The following CNTNAP3 variants were observed in gnomAD, a reference collection of about 807,000 sequenced individuals.
CNTNAP3 encodes contactin associated protein family member 3, also known as contactin-associated protein-like 3.
In CNTNAP3, 36 loss-of-function variants were observed where a neutral mutation model predicts 92.1. The observed-to-expected ratio is 0.39, with a 90% CI of 0.30 to 0.52. CNTNAP3 has a LOEUF of 0.52. Ranked by LOEUF, CNTNAP3 falls within the 20% of genes least tolerant of loss-of-function variation. The pLI is 0.76. For synonymous variants in CNTNAP3, 232 were observed against 422.3 expected (o/e 0.55, Z 5.53); for missense variants, 534 against 1,069.6 (o/e 0.50, Z 6.98).
Position 39,103,935 on chromosome 9 carries a change from G to A in CNTNAP3, c.2366-21C>T, listed in dbSNP as rs765733436. The A allele has an allele frequency of 3.9e-5, 61 of 1,549,690 alleles. 1 individual carries two copies. Among genetic ancestry groups the A allele is most frequent in the African/African-American group, 1.5e-4 (11 of 71,772 alleles). Reference sequence around the variant, plus strand: ...TGACTCTGTTTACAATAGAGAAAACGACAAAAGGAAAAAAAGTCATGAAAC... The same window carrying A: ...TGACTCTGTTTACAATAGAGAAAACAACAAAAGGAAAAAAAGTCATGAAAC... On this transcript the variant is annotated intron_variant, in intron 15 of 23. Transcript: ENST00000297668.
chr9:39,122,046 C>CTAA (rs1161447118), intron 13 of CNTNAP3, among the ~76,000 whole-genome samples: 7 of 152,244 alleles, frequency 4.6e-5, no homozygotes, highest in African/African-American at 1.7e-4. Flanking sequence ...AAAGACTGAC[C>CTAA]TAATCCTAAG....
intron 12 of CNTNAP3, among the ~76,000 whole-genome samples, chr9:39,134,091 G>A (rs1286763560): frequency 6.6e-6 from 1 of 152,130 alleles, no homozygotes; most frequent in East Asian, 1.9e-4. Context: ...TGGCTTGGCT[G>A]CTAACTGTGC....
chr9:39,148,459 A>G (rs2118131420), intron 10 of CNTNAP3, among the ~76,000 whole-genome samples: 1 of 152,280 alleles, frequency 6.6e-6, no homozygotes, highest in South Asian at 2.1e-4. Context: ...TTTAAAACAG[A>G]ATTGACTAAC....
chr9:39,086,619 G>A (rs1826066946), intron 20 of CNTNAP3, 97 bp downstream of exon 20: 1 of 1,379,962 alleles, frequency 7.2e-7, no homozygotes, highest in African/African-American at 1.5e-5. Context: ...CACTGAATGG[G>A]TTGCTCTTCT....
chr9:39,093,665 C>T lies in CNTNAP3; in HGVS notation c.2996-5018G>A, dbSNP rs374568082. Among the ~76,000 whole-genome samples, 56 of 151,574 alleles carry T rather than the reference C, an allele frequency of 3.7e-4. 1 individual carries two copies. The East Asian group carries it at 9.3e-3, about 25-fold the overall frequency. ...CTTATTTCACTTAGCATAATGTCTT[C>T]TATGTCAATTAATGTTGTATCATGT... On this transcript the variant is annotated intron_variant, in intron 18 of 23. Coordinates refer to ENST00000297668, the MANE Select transcript of CNTNAP3 (RefSeq NM_033655.5).
intron 13 of CNTNAP3, among the ~76,000 whole-genome samples, chr9:39,132,297 G>A (rs1225427802): frequency 2.6e-5 from 4 of 152,164 alleles, no homozygotes; most frequent in Non-Finnish European, 4.4e-5. Context: ...GGAGGGGGAA[G>A]TTGGTCTTTA....
chr9:39,109,104 T>C (rs2778209), intron 15 of CNTNAP3, 56 bp downstream of exon 15: 127,643 of 1,573,564 alleles, frequency 0.081, 5,653 homozygotes, highest in African/African-American at 0.15. Context: ...TTGTCTACTC[T>C]TTTATAACCA....
chr9:39,120,396 C>A (rs190821812), intron 13 of CNTNAP3, among the ~76,000 whole-genome samples: 1 of 152,046 alleles, frequency 6.6e-6, no homozygotes. Context: ...CTTTTTAGGC[C>A]GGGTGCGGTG....
chr9:39,105,283 C>T (rs1449744564), intron 15 of CNTNAP3, among the ~76,000 whole-genome samples: 2 of 152,056 alleles, frequency 1.3e-5, no homozygotes, highest in African/African-American at 4.8e-5. Context: ...AAAAATTAGC[C>T]AGGCATGGTG....
chr9:39,155,302 T>C (rs1189729824), intron 9 of CNTNAP3: 1 of 141,394 alleles, frequency 7.1e-6, no homozygotes, highest in East Asian at 2.1e-4. Flanking sequence ...AAACGTGTGA[T>C]ATGTGAAATT....
chr9:39,115,568 G>A (rs1239095880), intron 14 of CNTNAP3, among the ~76,000 whole-genome samples: 1 of 137,808 alleles, frequency 7.3e-6, no homozygotes, highest in East Asian at 2.1e-4. Flanking sequence ...TCTTACTGTT[G>A]GATAGACCTG....
intron 3 of CNTNAP3, among the ~76,000 whole-genome samples, chr9:39,226,951 T>TAC (rs754907966): frequency 0.43 from 5,657 of 13,192 alleles, 2,596 homozygotes; most frequent in South Asian, 1. Context: ...TATATATATA[T>TAC]ACCATATTTT....
In CNTNAP3 at chr9:39,152,058, G is replaced by GA. The variant is rs1404844594; in HGVS notation, c.1478-2082_1478-2081insT. Among the ~76,000 whole-genome samples the GA allele has an allele frequency of 1.1e-4, 15 of 139,740 alleles. 1 individual carries two copies. The highest frequency in any genetic ancestry group is 2.1e-4 in the Admixed American group (3 of 14,420). The allele number at this position is 139,740 out of a possible 152,430, so 91.7% of individuals were successfully genotyped here. On this transcript the variant is annotated intron_variant, in intron 9 of 23. Transcript: ENST00000297668. ...TGAAGTATAGAATTTGTACTTATGT[G>GA]TTTTTCATTGACCTCTCTTTGACCT... is the stretch of plus-strand genomic sequence containing the variant.
At chr9:39,109,083 A>C (rs1826677686) in intron 15 of CNTNAP3, 77 bp downstream of exon 15, 1 of 1,524,000 alleles carries the variant, frequency 6.6e-7, no homozygotes, top group African/African-American at 1.4e-5. Flanking sequence ...TTCTGGCAAG[A>C]ACAAGGGCAT....
At chr9:39,122,594 A>G (rs1249100758) in intron 13 of CNTNAP3, among the ~76,000 whole-genome samples, 2 of 152,248 alleles carry the variant, frequency 1.3e-5, no homozygotes, top group Non-Finnish European at 2.9e-5. Context: ...ACAGTTATGC[A>G]AAGAGCAAAT....
Position 39,162,837 on chromosome 9 carries a change from T to A in CNTNAP3, c.1477+3096A>T, listed in dbSNP as rs563615107. On this transcript the variant is annotated intron_variant, in intron 9 of 23. Transcript: ENST00000297668. Reference sequence around the variant, plus strand: ...TTGAGGGTGGAGGGTAGGAGGAGGGTGAAGATCGAAAAACTACCTACTAGG... The same window carrying A: ...TTGAGGGTGGAGGGTAGGAGGAGGGAGAAGATCGAAAAACTACCTACTAGG... 2.7e-5 allele frequency among the ~76,000 whole-genome samples: 4 copies of A among 146,448 alleles called. No homozygotes were observed. In the South Asian group the frequency reaches 8.5e-4, roughly 31 times the overall value.
chr9:39,209,592 C>CCCTT (rs1563902156), intron 3 of CNTNAP3, among the ~76,000 whole-genome samples: 1 of 18,866 alleles, frequency 5.3e-5, no homozygotes, highest in African/African-American at 1.6e-4. Flanking sequence ...TTCCTTCCTT[C>CCCTT]CCTTCCTTCC....
chr9:39,101,280 T>C (rs1826450575), intron 17 of CNTNAP3, among the ~76,000 whole-genome samples: 1 of 151,616 alleles, frequency 6.6e-6, no homozygotes, highest in Non-Finnish European at 1.5e-5. Flanking sequence ...GGTTCACGTG[T>C]AGCATTTAGT....
chr9:39,080,358 T>G (rs1002209479), intron 21 of CNTNAP3, among the ~76,000 whole-genome samples: 1 of 137,270 alleles, frequency 7.3e-6, no homozygotes, highest in Non-Finnish European at 1.6e-5. Context: ...GGAAACCTGG[T>G]GAGTCAGTTT....
Sources: gnomAD v4.1 joint callset for allele counts (sites outside exome capture counted in the v4.1 genomes callset) on GRCh38, gnomAD v4.1.1 for gene constraint, MANE v1.5 for transcripts, NCBI Gene and HGNC (gene_info 2026-07-23, HGNC 2026-07-21) for gene names.